Variants in SLC38A10 observed in about 807,000 individuals in gnomAD.
The protein encoded by SLC38A10 is Sodium-coupled neutral amino acid transporter 10.
SLC38A10 carries 53 observed loss-of-function variants against 81.0 expected under a neutral mutation model. The observed-to-expected ratio is 0.65, with a 90% confidence interval of 0.53 to 0.82. The LOEUF (loss-of-function observed/expected upper bound fraction) is 0.82. Among genes scored for constraint, SLC38A10 ranks in the 40% least tolerant of loss-of-function variants. The pLI is 0.00. For synonymous variants in SLC38A10, 665 were observed against 655.3 expected (o/e 1.01, Z -0.23); for missense variants, 1,471 against 1,545.0 (o/e 0.95, Z 0.80).
At chr17:81,249,958 G>A (rs1347907501) in intron 14 of SLC38A10, 44 of 975,060 alleles carry the variant, frequency 4.5e-5, no homozygotes, top group Admixed American at 1.6e-4. Flanking sequence ...GGCCTGACAC[G>A]TGTCCCCATG....
At position 81,288,111 on chromosome 17, in the gene SLC38A10, G is replaced by A. The variant is rs1033743738; in HGVS notation, c.217+1580C>T. Among the ~76,000 whole-genome samples, 8 of 152,206 alleles carry A rather than the reference G, an allele frequency of 5.3e-5. No homozygotes were observed. The highest frequency in any genetic ancestry group is 7.2e-5 in the African/African-American group (3 of 41,446). The stretch of plus-strand genomic sequence containing the variant: ...AGCACCATTCTCATCAGGAAGGGAG[G>A]AGAAGGAATACATCCCCTCCGGTTC... On this transcript the variant is annotated intron_variant, in intron 2 of 15. Coordinates refer to ENST00000374759, the MANE Select transcript of SLC38A10 (RefSeq NM_001037984.3). This position sits in a 1 kb window ranked among gnomAD's most constrained non-coding sequence, Gnocchi z 5.4.
chr17:81,270,972 G>A lies in SLC38A10; in HGVS notation c.1077C>T (p.Phe359=), dbSNP rs775593152. 59 of 1,613,748 alleles carry A rather than the reference G, an allele frequency of 3.7e-5. 1 individual carries two copies. The East Asian group carries it at 1.3e-3, about 36-fold the overall frequency. Residue 359 remains phenylalanine, a synonymous_variant, in exon 10 of 16, where the codon TTC becomes TTT. Coordinates refer to ENST00000374759, the MANE Select transcript of SLC38A10 (RefSeq NM_001037984.3). This position sits in a 1 kb window ranked among gnomAD's most constrained non-coding sequence, Gnocchi z 4.0. ...TGATMGSLIC[F]ICPALIYKKI... Reference sequence around the variant, plus strand: ...TCTTGTAGATCAGCGCCGGGCAGATGAAGCAGATGAGGCTTCCCATGGTCG... The same window carrying A: ...TCTTGTAGATCAGCGCCGGGCAGATAAAGCAGATGAGGCTTCCCATGGTCG...
rs369074370 is a variant in SLC38A10 at position 81,247,049 on chromosome 17, G to A, written c.2078C>T (p.Ala693Val). 5.7e-6 allele frequency: 9 copies of A among 1,585,188 alleles called. No homozygotes were observed. Among genetic ancestry groups the A allele is most frequent in the East Asian group, 2.3e-5 (1 of 44,420 alleles). ...CAGGACGGCGTGGTCCAGCATCTCC[G>A]CCCTGCCAGCTTCTGGGTTTGGAAA... Reference protein sequence around the residue: ...AASQLEEAGRAEMLDHAVLLQ... With the variant: ...AASQLEEAGRVEMLDHAVLLQ... Residue 693 changes from alanine (A) to valine (V), a missense_variant, in exon 15 of 16, where the codon GCG becomes GTG. This residue lies in a region of SLC38A10 where 751 missense variants were observed against 717.4 expected (regional missense o/e 1.05). Coordinates refer to ENST00000374759, the MANE Select transcript of SLC38A10 (RefSeq NM_001037984.3).
chr17:81,282,156 T>C (rs1317044554), intron 5 of SLC38A10, 33 bp downstream of exon 5: 2 of 1,609,400 alleles, frequency 1.2e-6, no homozygotes, highest in African/African-American at 2.7e-5. Context: ...GGAGCAGCCT[T>C]TCAGCGGGTA....
chr17:81,269,486 C>G (rs372184349), intron 10 of SLC38A10, among the ~76,000 whole-genome samples: 1 of 152,012 alleles, frequency 6.6e-6, no homozygotes, highest in Non-Finnish European at 1.5e-5. Flanking sequence ...GAAGAAGTGG[C>G]TGACACACGT....
intron 10 of SLC38A10, among the ~76,000 whole-genome samples, chr17:81,261,748 GC>G (rs1475158341): frequency 6.6e-6 from 1 of 152,252 alleles, no homozygotes; most frequent in Non-Finnish European, 1.5e-5. Context: ...GCCGAAGGGA[GC>G]CCGGCCGCAA....
At chr17:81,254,771 G>A (rs1337147998) in intron 11 of SLC38A10, among the ~76,000 whole-genome samples, 1 of 152,234 alleles carries the variant, frequency 6.6e-6, no homozygotes, top group African/African-American at 2.4e-5. Context: ...ATAAGCGTAT[G>A]GCCACCCGCC....
At chr17:81,249,603 G>C (rs1365398217) in intron 14 of SLC38A10, among the ~76,000 whole-genome samples, 1 of 151,842 alleles carries the variant, frequency 6.6e-6, no homozygotes, top group Non-Finnish European at 1.5e-5. Context: ...AGCCACGTGG[G>C]ACACATGTGA....
Position 81,249,440 on chromosome 17 carries a change from A to AAGAGGAGGGT in SLC38A10, c.2065+2052_2065+2053insACCCTCCTCT, listed in dbSNP as rs1295612679. On this transcript the variant is annotated intron_variant, in intron 14 of 15. Transcript: ENST00000374759. ...GAAGAGGAGGGAGAAGGAGGGAGGG[A>AAGAGGAGGGT]GAAGGAGGGAGGGAAGAGGAGGGAG... Among the ~76,000 whole-genome samples the AAGAGGAGGGT allele has an allele frequency of 5.9e-5, 2 of 33,774 alleles. 1 individual carries two copies. The highest frequency in any genetic ancestry group is 1.4e-4 in the Non-Finnish European group (2 of 14,742). 22.2% of individuals were successfully genotyped at this position (33,774 alleles called of 152,430 possible).
At position 81,275,998 on chromosome 17, in the gene SLC38A10, C is replaced by A; in HGVS notation, c.883G>T (p.Ala295Ser). The A allele has an allele frequency of 6.2e-7, 1 of 1,613,692 alleles. No homozygotes were observed. The highest frequency in any genetic ancestry group is 8.5e-7 in the Non-Finnish European group (1 of 1,179,994). ...TGCTCACACAGCAGCGTGCTCAGGG[C>A]CTGCCTGCATGGCAGGATCATCATG... is the stretch of plus-strand genomic sequence containing the variant. ...FPMMILPCRQ[A>S]LSTLLCEQQQ... Residue 295 changes from alanine to serine, a missense_variant, in exon 8 of 16, where the codon GCC becomes TCC. Coordinates refer to ENST00000374759, the MANE Select transcript of SLC38A10 (RefSeq NM_001037984.3).
rs1184308121 is a variant in SLC38A10 at position 81,294,814 on chromosome 17, C to A, written c.99+9G>T. The A allele has an allele frequency of 6.4e-7, 1 of 1,574,690 alleles. No individual in the cohort carries two copies. Among genetic ancestry groups the A allele is most frequent in the South Asian group, 1.2e-5 (1 of 86,710 alleles). ...CGAGGGCGGTGATCTCCGGGCCCAC[C>A]GGACTCACCTGTTTGAAGCAGAAGG... On this transcript the variant is annotated intron_variant, in intron 1 of 15. Transcript: ENST00000374759.
In SLC38A10 at chr17:81,269,979, A is replaced by AG. The variant is rs1397651761; in HGVS notation, c.1131+938_1131+939insC. 2.0e-5 allele frequency among the ~76,000 whole-genome samples: 3 copies of AG among 152,280 alleles called. No homozygotes were observed. In the East Asian group the frequency reaches 5.8e-4, roughly 29 times the overall value. On this transcript the variant is annotated intron_variant, in intron 10 of 15. Transcript: ENST00000374759. ...AACTCTGTCTCAAAAGAAAAAAAAA[A>AG]TTATCAATATATTCCAGTAAGAAAA...
Position 81,282,395 on chromosome 17 carries a change from C to T in SLC38A10, c.358-63G>A, listed in dbSNP as rs537327589. The stretch of plus-strand genomic sequence containing the variant: ...TGCCTGCTCACCACCGGGCTCTCTG[C>T]ACTGACAGGGAGTGGGAGCGCCCCG... On this transcript the variant is annotated intron_variant, in intron 4 of 15. Coordinates refer to ENST00000374759, the MANE Select transcript of SLC38A10 (RefSeq NM_001037984.3). 5,691 of 1,549,386 alleles carry T rather than the reference C, an allele frequency of 3.7e-3. 21 individuals are homozygous for T. Among genetic ancestry groups the T allele is most frequent in the Non-Finnish European group, 3.6e-3 (4,083 of 1,144,620 alleles).
intron 6 of SLC38A10, chr17:81,280,113 G>A (rs2063197044): frequency 2.2e-6 from 1 of 451,300 alleles, no homozygotes; most frequent in Admixed American, 2.4e-5. Flanking sequence ...GGTGGAGAAG[G>A]TAATGCTGCT....
chr17:81,251,369 G>A (rs745801402), intron 14 of SLC38A10, 124 bp downstream of exon 14: 15 of 1,612,624 alleles, frequency 9.3e-6, no homozygotes, highest in Admixed American at 1.7e-5. Flanking sequence ...CTCAGCAGGC[G>A]GCTGGAAAGA....
At position 81,289,657 on chromosome 17, in the gene SLC38A10, G is replaced by T; in HGVS notation, c.217+34C>A. On this transcript the variant is annotated intron_variant, in intron 2 of 15. Coordinates refer to ENST00000374759, the MANE Select transcript of SLC38A10 (RefSeq NM_001037984.3). This position sits in a 1 kb window ranked among gnomAD's most constrained non-coding sequence, Gnocchi z 5.9. ...TAAATGGAATAAGGCCCCCGCCCCA[G>T]GTCCAGAGCCACCTTGTGGAGAGGG... 6.7e-7 allele frequency: 1 copy of T among 1,497,512 alleles called. No individual in the cohort carries two copies. Among genetic ancestry groups the T allele is most frequent in the Non-Finnish European group, 9.1e-7 (1 of 1,103,606 alleles). The allele number at this position is 1,497,512 out of a possible 1,614,324, so 92.8% of individuals were successfully genotyped here.
At chr17:81,248,114 C>T (rs1484833605) in intron 14 of SLC38A10, among the ~76,000 whole-genome samples, 9 of 151,928 alleles carry the variant, frequency 5.9e-5, no homozygotes, top group African/African-American at 9.7e-5. Context: ...CCCGCCACCG[C>T]GCCCGGCTAA....
At chr17:81,249,485 GAGA>G (rs377101046) in intron 14 of SLC38A10, among the ~76,000 whole-genome samples, 1 of 224 alleles carries the variant, frequency 4.5e-3, no homozygotes, top group African/African-American at 0.011. Context: ...GGAGGGAGGA[GAGA>G]AGAGGAGGGA....
intron 1 of SLC38A10, among the ~76,000 whole-genome samples, chr17:81,292,460 A>C (rs1340787265): frequency 1.5e-5 from 2 of 134,490 alleles, no homozygotes; most frequent in Non-Finnish European, 3.1e-5. Flanking sequence ...CTACTAAAAC[A>C]AAAAAAAAAA....
Sources: allele counts gnomAD v4.1 joint callset (sites outside exome capture counted in the v4.1 genomes callset), GRCh38; gene constraint gnomAD v4.1.1; regional missense constraint gnomAD v4.1.1; non-coding constraint Gnocchi (gnomAD v3.1); transcripts MANE v1.5; gene names NCBI Gene and HGNC (gene_info 2026-07-23, HGNC 2026-07-21).